Variants in ZBTB7C observed in about 807,000 individuals in gnomAD.
ZBTB7C encodes the protein zinc finger and BTB domain-containing protein 7C.
Under a neutral mutation model 25.7 loss-of-function variants are expected in ZBTB7C, and 8 were observed. The ratio of observed to expected loss-of-function variants is 0.31; its 90% confidence interval spans 0.18 to 0.56. The LOEUF (loss-of-function observed/expected upper bound fraction) is 0.56. Among genes scored for constraint, ZBTB7C ranks in the 20% least tolerant of loss-of-function variants. ZBTB7C has a pLI of 0.91. For missense variants in ZBTB7C, 824 were observed against 855.2 expected (o/e 0.96, Z 0.46); for synonymous variants, 394 against 369.0 (o/e 1.07, Z -0.78).
intron 2 of ZBTB7C, among the ~76,000 whole-genome samples, chr18:48,218,746 A>G (rs1250468130): frequency 6.6e-6 from 1 of 152,194 alleles, no homozygotes; most frequent in African/African-American, 2.4e-5. Context: ...ACTGCCGACT[A>G]TGGCTGACAT....
At chr18:48,333,628 C>T (rs2046390601) in intron 2 of ZBTB7C, among the ~76,000 whole-genome samples, 1 of 152,182 alleles carries the variant, frequency 6.6e-6, no homozygotes, top group Non-Finnish European at 1.5e-5. Flanking sequence ...CATAGATCAT[C>T]TTTTGAAATA....
intron 3 of ZBTB7C, among the ~76,000 whole-genome samples, chr18:48,117,450 G>A (rs534492305): frequency 8.5e-5 from 13 of 152,290 alleles, no homozygotes; most frequent in Admixed American, 4.6e-4. Context: ...GTTAGAGCAT[G>A]GGTGTCAGAG....
At chr18:48,148,804 T>G (rs2040576312) in intron 3 of ZBTB7C, 1 of 152,342 alleles carries the variant, frequency 6.6e-6, no homozygotes, top group African/African-American at 2.4e-5. Flanking sequence ...CTTGCTGCAC[T>G]TATGTAAGTA....
chr18:48,311,732 T>C (rs1283957942), intron 2 of ZBTB7C, among the ~76,000 whole-genome samples: 1 of 152,114 alleles, frequency 6.6e-6, no homozygotes, highest in Admixed American at 6.5e-5. Flanking sequence ...CCATTGGGGG[T>C]CCCAAGGGCA....
chr18:48,243,338 C>T (rs923206932), intron 2 of ZBTB7C, among the ~76,000 whole-genome samples: 6 of 147,118 alleles, frequency 4.1e-5, no homozygotes, highest in African/African-American at 1.5e-4. Context: ...GAATACAAAA[C>T]CAATGATGTA....
chr18:48,239,971 A>G (rs1282471733), intron 2 of ZBTB7C, among the ~76,000 whole-genome samples: 1 of 152,148 alleles, frequency 6.6e-6, no homozygotes, highest in Non-Finnish European at 1.5e-5. Context: ...TAAAAATAAT[A>G]TAAGATATGG....
intron 2 of ZBTB7C, among the ~76,000 whole-genome samples, chr18:48,232,782 T>G (rs2043287316): frequency 1.3e-5 from 2 of 152,188 alleles, no homozygotes; most frequent in African/African-American, 4.8e-5. Flanking sequence ...AAGCCAGTTA[T>G]TATTCTCAGC....
intron 3 of ZBTB7C, among the ~76,000 whole-genome samples, chr18:48,167,595 T>TGTGTGTGTGTGTGCGC (rs1482842757): frequency 2.7e-5 from 4 of 150,190 alleles, no homozygotes; most frequent in African/African-American, 7.5e-5. Context: ...TGTGTGTGTG[T>TGTGTGTGTGTGTGCGC]GTGCGCGCGT....
chr18:48,134,798 T>C (rs1163826592), intron 3 of ZBTB7C, among the ~76,000 whole-genome samples: 27 of 152,244 alleles, frequency 1.8e-4, no homozygotes, highest in East Asian at 1.9e-4. Flanking sequence ...CCAGCTGGCA[T>C]GTGCCAAAAG....
chr18:48,185,572 C>T, intron 3 of ZBTB7C: 1 of 225,300 alleles, frequency 4.4e-6, no homozygotes, highest in Non-Finnish European at 8.9e-6. Context: ...AGGGGGTCAA[C>T]CTAGCAGCAA....
chr18:48,352,073 A>G lies in ZBTB7C; in HGVS notation c.-303-13675T>C, dbSNP rs187416520. Among the ~76,000 whole-genome samples, 889 of 152,250 alleles carry G rather than the reference A, an allele frequency of 5.8e-3. 6 individuals are homozygous for G. Among genetic ancestry groups the G allele is most frequent in the African/African-American group, 0.02 (849 of 41,550 alleles). On this transcript the variant is annotated intron_variant, in intron 1 of 4. Transcript: ENST00000590800. Reference sequence around the variant, plus strand: ...CTTCCAGGAAGCCTTCCCTGACCCTACAGGCCAGGACTCGCAGGTGCCTTT... The same window carrying G: ...CTTCCAGGAAGCCTTCCCTGACCCTGCAGGCCAGGACTCGCAGGTGCCTTT...
At chr18:48,377,768 G>A (rs933616918) in intron 1 of ZBTB7C, among the ~76,000 whole-genome samples, 3 of 152,188 alleles carry the variant, frequency 2.0e-5, no homozygotes, top group Non-Finnish European at 4.4e-5. Context: ...AGTCAGCAGC[G>A]GAAGAAGCTG....
chr18:48,313,111 T>G (rs980919865), intron 2 of ZBTB7C, among the ~76,000 whole-genome samples: 4 of 152,208 alleles, frequency 2.6e-5, no homozygotes, highest in Non-Finnish European at 5.9e-5. Context: ...TCTTTATAAG[T>G]GTGAACCTAA....
At chr18:48,150,458 T>G (rs1377767572) in intron 3 of ZBTB7C, 1 of 151,998 alleles carries the variant, frequency 6.6e-6, no homozygotes. Context: ...GGCATGCTCC[T>G]GTAATCCCAG....
intron 3 of ZBTB7C, among the ~76,000 whole-genome samples, chr18:48,131,764 T>C (rs2039991882): frequency 6.6e-6 from 1 of 152,216 alleles, no homozygotes; most frequent in Non-Finnish European, 1.5e-5. Context: ...TGAATGGCTC[T>C]CACTATACCT....
At chr18:48,197,442 C>G (rs1301750079) in intron 2 of ZBTB7C, among the ~76,000 whole-genome samples, 2 of 152,194 alleles carry the variant, frequency 1.3e-5, no homozygotes, top group Admixed American at 1.3e-4. Context: ...GCCCCAACTC[C>G]CAGAGATAAC....
At chr18:48,146,469 T>G (rs978887895) in intron 3 of ZBTB7C, among the ~76,000 whole-genome samples, 2 of 152,022 alleles carry the variant, frequency 1.3e-5, no homozygotes, top group Non-Finnish European at 2.9e-5. Context: ...GTTAATAAAC[T>G]TTTTTTTGCC....
intron 2 of ZBTB7C, among the ~76,000 whole-genome samples, chr18:48,335,773 A>T (rs538137493): frequency 6.6e-6 from 1 of 152,366 alleles, no homozygotes; most frequent in Non-Finnish European, 1.5e-5. Context: ...TATGAAAAGA[A>T]TGTAAAATAT....
At chr18:48,344,624 A>G (rs1437005545) in intron 1 of ZBTB7C, among the ~76,000 whole-genome samples, 5 of 152,266 alleles carry the variant, frequency 3.3e-5, no homozygotes, top group African/African-American at 1.2e-4. Flanking sequence ...TTCAAGAGAC[A>G]AAGAGGAAAA....
Sources: gnomAD v4.1 joint callset for allele counts (sites outside exome capture counted in the v4.1 genomes callset) on GRCh38, gnomAD v4.1.1 for gene constraint, MANE v1.5 for transcripts, NCBI Gene and HGNC (gene_info 2026-07-23, HGNC 2026-07-21) for gene names.